Variants in AKR1A1 observed in about 807,000 individuals in gnomAD.
AKR1A1 encodes the protein aldo-keto reductase family 1 member A1.
AKR1A1 carries 26 observed loss-of-function variants against 39.2 expected under a neutral mutation model. That is an observed-to-expected ratio of 0.66 (90% CI 0.49 to 0.92). The LOEUF is 0.92. Among genes scored for constraint, AKR1A1 ranks in the 40% least tolerant of loss-of-function variants. The pLI, the probability that AKR1A1 is intolerant of heterozygous loss-of-function variation, is 0.00. For synonymous variants in AKR1A1, 141 were observed against 155.5 expected (o/e 0.91, Z 0.69); for missense variants, 378 against 406.5 (o/e 0.93, Z 0.60).
chr1:45,569,957 G>A lies in AKR1A1; in HGVS notation c.*1G>A. 6.2e-7 allele frequency: 1 copy of A among 1,614,074 alleles called. No individual in the cohort carries two copies. The highest frequency in any genetic ancestry group is 1.1e-5 in the South Asian group (1 of 91,090). On this transcript the variant is annotated 3_prime_UTR_variant, in exon 9 of 9. Coordinates refer to ENST00000351829, the MANE Select transcript of AKR1A1 (RefSeq NM_153326.3). ...GTACCCCTTTAATGACCCGTACTGA[G>A]ACCACAGCTTCTTGGCCTCCCTTCC...
At chr1:45,560,176 G>C (rs1404716745) in intron 1 of AKR1A1, among the ~76,000 whole-genome samples, 1 of 152,028 alleles carries the variant, frequency 6.6e-6, no homozygotes, top group Non-Finnish European at 1.5e-5. Flanking sequence ...GGTAGAAATG[G>C]GGTTTCACTC....
intron 1 of AKR1A1, among the ~76,000 whole-genome samples, chr1:45,556,749 C>T (rs1431033665): frequency 1.3e-4 from 20 of 151,334 alleles, no homozygotes; most frequent in African/African-American, 3.4e-4. Flanking sequence ...TGGTGGCGGG[C>T]GCCTGTAGTC....
intron 2 of AKR1A1, among the ~76,000 whole-genome samples, chr1:45,563,616 C>T (rs1166833930): frequency 6.6e-6 from 1 of 151,772 alleles, no homozygotes; most frequent in African/African-American, 2.4e-5. Flanking sequence ...ACGGAGAAAC[C>T]TCATCTCTAC....
chr1:45,554,384 C>T (rs1444114728), intron 1 of AKR1A1, among the ~76,000 whole-genome samples: 1 of 151,886 alleles, frequency 6.6e-6, no homozygotes, highest in Non-Finnish European at 1.5e-5. Context: ...GCTGAGATCA[C>T]ACCACTGCCC....
intron 2 of AKR1A1, among the ~76,000 whole-genome samples, chr1:45,564,736 C>A (rs567217682): frequency 6.6e-6 from 1 of 151,682 alleles, no homozygotes; most frequent in Admixed American, 6.6e-5. Context: ...GTCTATACTT[C>A]TTTTCTCTAT....
rs1644125140 is a variant in AKR1A1 at position 45,551,120 on chromosome 1, C to T, written c.-42C>T. ...GCGGGGTGCAGAACTGAGCCCAGGC[C>T]ACAGTACCCTATTCACGCTCTGTGC... On this transcript the variant is annotated 5_prime_UTR_variant, in exon 1 of 9. Transcript: ENST00000351829. 6.6e-6 allele frequency: 1 copy of T among 152,252 alleles called. No homozygotes were observed. The highest frequency in any genetic ancestry group is 1.5e-5 in the Non-Finnish European group (1 of 68,080). The allele number at this position is 152,252 out of a possible 1,614,324, so 9.4% of individuals were successfully genotyped here.
rs118081582 is a variant in AKR1A1, at chr1:45,566,481, C to T, written c.85-88C>T. On this transcript the variant is annotated intron_variant, in intron 2 of 8. Transcript: ENST00000351829. ...TAGATGTGCCTGTTATATTTCTGAG[C>T]CCCCTTCCCCCAGCATTGACCTTGG... 5,515 of 1,556,348 alleles carry T rather than the reference C, an allele frequency of 3.5e-3. 63 individuals are homozygous for T. Among genetic ancestry groups the T allele is most frequent in the East Asian group, 0.035 (1,534 of 44,390 alleles).
chr1:45,560,539 G>T (rs1027173443), intron 1 of AKR1A1, among the ~76,000 whole-genome samples: 1 of 152,158 alleles, frequency 6.6e-6, no homozygotes, highest in Admixed American at 6.5e-5. Flanking sequence ...GAGCTTAGGA[G>T]TTCAAGGCTG....
chr1:45,556,170 G>T (rs1487815708), intron 1 of AKR1A1, among the ~76,000 whole-genome samples: 2 of 152,150 alleles, frequency 1.3e-5, no homozygotes, highest in Admixed American at 1.3e-4. Context: ...CTTTGAGAAA[G>T]AAAGAATTCA....
At chr1:45,554,437 G>A (rs679900) in intron 1 of AKR1A1, among the ~76,000 whole-genome samples, 1 of 151,532 alleles carries the variant, frequency 6.6e-6, no homozygotes, top group East Asian at 1.9e-4. Context: ...CAATAAATAA[G>A]TAAATAAATA....
intron 1 of AKR1A1, among the ~76,000 whole-genome samples, 187 bp from the exon 2 acceptor site, chr1:45,561,602 C>T (rs972830618): frequency 2.0e-5 from 3 of 152,144 alleles, no homozygotes; most frequent in Non-Finnish European, 4.4e-5. Context: ...TGGGGTTTTA[C>T]CATGTTGACC....
chr1:45,569,037 G>T (rs1161451477), intron 7 of AKR1A1, 38 bp downstream of exon 7: 1 of 1,611,070 alleles, frequency 6.2e-7, no homozygotes, highest in South Asian at 1.1e-5. Context: ...TAGCTCTTTG[G>T]GACATTTTCT....
chr1:45,559,023 T>A (rs1329597670), intron 1 of AKR1A1, among the ~76,000 whole-genome samples: 1 of 152,236 alleles, frequency 6.6e-6, no homozygotes. Context: ...TTCTTTCACT[T>A]GAATAGCTCC....
chr1:45,567,117 C>G, intron 4 of AKR1A1, 97 bp downstream of exon 4: 1 of 1,479,706 alleles, frequency 6.8e-7, no homozygotes, highest in Non-Finnish European at 9.1e-7. Context: ...AGGATAGGAA[C>G]ACTCATTTGC....
rs577979885 is a variant in AKR1A1 at position 45,569,831 on chromosome 1, C to G, written c.913-60C>G. 7.4e-6 allele frequency: 11 copies of G among 1,481,406 alleles called. No homozygotes were observed. In the African/African-American group the frequency reaches 9.7e-5, roughly 13 times the overall value. The allele number at this position is 1,481,406 out of a possible 1,614,324, so 91.8% of individuals were successfully genotyped here. ...GTTTAGGAAGATTTGGGGAAGATGCCTGGAGTCTTTGGAATGGCAACTCCT... is the reference window on the plus strand; with the variant it reads ...GTTTAGGAAGATTTGGGGAAGATGCGTGGAGTCTTTGGAATGGCAACTCCT... On this transcript the variant is annotated intron_variant, in intron 8 of 8. Coordinates refer to ENST00000351829, the MANE Select transcript of AKR1A1 (RefSeq NM_153326.3).
intron 1 of AKR1A1, among the ~76,000 whole-genome samples, chr1:45,555,926 A>G (rs1472263765): frequency 6.6e-6 from 1 of 152,130 alleles, no homozygotes; most frequent in Admixed American, 6.6e-5. Context: ...TTGAATATAC[A>G]GAAGTGGGGT....
intron 1 of AKR1A1, among the ~76,000 whole-genome samples, chr1:45,560,074 G>A (rs565801202): frequency 2.6e-5 from 4 of 151,284 alleles, no homozygotes; most frequent in African/African-American, 9.7e-5. Context: ...TGCAACCTCC[G>A]CCTCCCGGGT....
At chr1:45,561,910 T>G (rs1276030072) in intron 2 of AKR1A1, 32 bp downstream of exon 2, 5 of 1,608,170 alleles carry the variant, frequency 3.1e-6, no homozygotes, top group Non-Finnish European at 4.3e-6. Flanking sequence ...AAGAAACTTG[T>G]TGAGCCTCTG....
chr1:45,568,871 A>G (rs1278497855), intron 6 of AKR1A1, 56 bp from the exon 7 acceptor site: 10 of 1,590,064 alleles, frequency 6.3e-6, no homozygotes, highest in African/African-American at 1.3e-5. Flanking sequence ...TGGGGAACAA[A>G]ATAGTGCTTA....
Sources: allele counts gnomAD v4.1 joint callset (sites outside exome capture counted in the v4.1 genomes callset), GRCh38; gene constraint gnomAD v4.1.1; transcripts MANE v1.5; gene names NCBI Gene and HGNC (gene_info 2026-07-23, HGNC 2026-07-21).